Variants in PM20D2 observed in about 807,000 individuals in gnomAD.
PM20D2 encodes the protein xaa-Arg dipeptidase.
A neutral mutation model predicts 42.9 loss-of-function variants in PM20D2; 33 were observed. That is an observed-to-expected ratio of 0.77 (90% CI 0.58 to 1.03). The LOEUF is 1.03. Among genes scored for constraint, PM20D2 ranks in the 50% least tolerant of loss-of-function variants. The pLI, the probability that PM20D2 is intolerant of heterozygous loss-of-function variation, is 0.00. For missense variants in PM20D2, 548 were observed against 557.0 expected, an observed-to-expected ratio of 0.98 and a Z score of 0.16; for synonymous variants, 250 against 228.2, an observed-to-expected ratio of 1.10 and a Z score of -0.86.
the PM20D2 span, among the ~76,000 whole-genome samples, chr6:89,122,865 G>T: frequency 2.0e-5 from 3 of 152,176 alleles, no homozygotes; most frequent in East Asian, 5.8e-4. Flanking sequence ...AGAGTGATGT[G>T]GGGATTTGTA....
rs200807819 is a variant in PM20D2, at chr6:89,162,502, C to CT, written c.*248dup. On this transcript the variant is annotated 3_prime_UTR_variant, in exon 7 of 7. Coordinates refer to ENST00000275072, the MANE Select transcript of PM20D2 (RefSeq NM_001010853.3). ...GAGCTGGTATGTGATGCCATTCTTT[C>CT]TTTTTTTTTACCCCGCAACCACTCA... The CT allele has an allele frequency of 0.013, 4,292 of 336,324 alleles. 36 individuals carry two copies. Among genetic ancestry groups the CT allele is most frequent in the Non-Finnish European group, 0.014 (2,550 of 186,392 alleles). 20.8% of individuals were successfully genotyped at this position (336,324 alleles called of 1,614,324 possible). A position where few individuals can be genotyped will look rare whatever the true frequency, so the allele number is the denominator to read the frequency against.
Position 89,146,565 on chromosome 6 carries a change from A to C in PM20D2, c.421A>C (p.Arg141=), listed in dbSNP as rs1237549359. The change falls in exon 1 of 7, where the codon AGG becomes CGG. Residue 141 remains arginine, a synonymous_variant. Transcript: ENST00000275072. ...EVGAAAALGV[R]GALEGLPRPP... ...CGGGGCGGCGGCCGCGCTGGGCGTG[A>C]GGGGGGCCTTAGAGGGCCTCCCCAG... The C allele has an allele frequency of 6.7e-7, 1 of 1,491,982 alleles. No homozygotes were observed. The highest frequency in any genetic ancestry group is 1.5e-5 in the African/African-American group (1 of 68,520). The allele number at this position is 1,491,982 out of a possible 1,614,324, so 92.4% of individuals were successfully genotyped here.
chr6:89,116,788 A>AC, the PM20D2 span, among the ~76,000 whole-genome samples: 1 of 151,790 alleles, frequency 6.6e-6, no homozygotes, highest in African/African-American at 2.4e-5. Context: ...AAAAAAAAAA[A>AC]AACTAAAAAA....
chr6:89,162,026 C>A, intron 6 of PM20D2, 83 bp from the exon 7 acceptor site: 1 of 1,528,190 alleles, frequency 6.5e-7, no homozygotes, highest in Non-Finnish European at 9.0e-7. Flanking sequence ...GTTGGAGAGC[C>A]AGTTGAGATA....
At chr6:89,152,967 G>A (rs1043865834) in intron 2 of PM20D2, 76 bp from the exon 3 acceptor site, 2 of 1,230,650 alleles carry the variant, frequency 1.6e-6, no homozygotes, top group Middle Eastern at 2.7e-4. Flanking sequence ...TAGTAGTTGG[G>A]TAATTCTGAC....
chr6:89,138,065 CTTTTTTTTT>C, the PM20D2 span, among the ~76,000 whole-genome samples: 1 of 144,758 alleles, frequency 6.9e-6, no homozygotes, highest in East Asian at 2.0e-4. Context: ...TTCAAGATTT[CTTTTTTTTT>C]TTTTTAATTT....
At chr6:89,104,222 C>A in the PM20D2 span, among the ~76,000 whole-genome samples, 1 of 77,724 alleles carries the variant, frequency 1.3e-5, no homozygotes, top group Non-Finnish European at 2.7e-5. Context: ...AAACTCATCA[C>A]CTTTTTTTTT....
the PM20D2 span, chr6:89,105,124 A>C: frequency 1.2e-6 from 2 of 1,611,512 alleles, no homozygotes; most frequent in Middle Eastern, 1.7e-4. Flanking sequence ...CTCACTCTTT[A>C]AGGCTGTCTG....
the PM20D2 span, among the ~76,000 whole-genome samples, chr6:89,132,779 A>C: frequency 6.6e-6 from 1 of 150,966 alleles, no homozygotes; most frequent in South Asian, 2.1e-4. Flanking sequence ...CAGAGGTTGC[A>C]GTGAGCCGAG....
the PM20D2 span, chr6:89,107,302 A>T: frequency 2.7e-6 from 4 of 1,483,244 alleles, no homozygotes; most frequent in Non-Finnish European, 3.7e-6. Flanking sequence ...GAATAGCTGG[A>T]TTAAAATATT....
At chr6:89,148,231 G>A (rs1034598839) in intron 1 of PM20D2, among the ~76,000 whole-genome samples, 1 of 151,798 alleles carries the variant, frequency 6.6e-6, no homozygotes, top group Non-Finnish European at 1.5e-5. Flanking sequence ...CGCCCACCTC[G>A]GCCTCCCACA....
chr6:89,117,989 G>A, the PM20D2 span: 8 of 1,299,664 alleles, frequency 6.2e-6, no homozygotes, highest in Non-Finnish European at 7.3e-6. Flanking sequence ...GGCCCCCGGC[G>A]CGACCCCCAC....
the PM20D2 span, among the ~76,000 whole-genome samples, chr6:89,101,909 T>C: frequency 1.3e-5 from 2 of 151,650 alleles, no homozygotes; most frequent in Non-Finnish European, 2.9e-5. Context: ...TAAATAAAGA[T>C]GTTTTCAGAC....
At chr6:89,151,145 C>T (rs2127776420) in intron 2 of PM20D2, among the ~76,000 whole-genome samples, 1 of 115,828 alleles carries the variant, frequency 8.6e-6, no homozygotes, top group East Asian at 2.8e-4. Context: ...ACAAGTGAAA[C>T]TCCATCTCAA....
At chr6:89,110,311 T>C in the PM20D2 span, among the ~76,000 whole-genome samples, 1 of 151,940 alleles carries the variant, frequency 6.6e-6, no homozygotes, top group Non-Finnish European at 1.5e-5. Flanking sequence ...CTCCACAGAG[T>C]GGGAGCAGGC....
In PM20D2 at chr6:89,164,757, T is replaced by G. The variant is rs1444019672; in HGVS notation, c.*2494T>G. On this transcript the variant is annotated 3_prime_UTR_variant, in exon 7 of 7. Transcript: ENST00000275072. ...GTCTATGGTAGGGAATAAAAGAGTT[T>G]AAGATATTATGTAAAATTATGTGTA... 6.6e-6 allele frequency: 1 copy of G among 152,250 alleles called. No individual in the cohort carries two copies. The highest frequency in any genetic ancestry group is 1.5e-5 in the Non-Finnish European group (1 of 67,942). 9.4% of individuals were successfully genotyped at this position (152,250 alleles called of 1,614,324 possible).
rs1771331661 is a variant in PM20D2, at chr6:89,164,106, T to A, written c.*1843T>A. 1 of 152,202 alleles carries A rather than the reference T, an allele frequency of 6.6e-6. No homozygotes were observed. The highest frequency in any genetic ancestry group is 2.1e-4 in the South Asian group (1 of 4,838). 9.4% of individuals were successfully genotyped at this position (152,202 alleles called of 1,614,324 possible). ...TCGGTTTTAACAAATTCTCCACATG[T>A]GAACTACTCAAGAAATTTTCCCTTT... On this transcript the variant is annotated 3_prime_UTR_variant, in exon 7 of 7. Transcript: ENST00000275072.
the PM20D2 span, among the ~76,000 whole-genome samples, chr6:89,115,984 T>C: frequency 1.3e-5 from 2 of 152,178 alleles, no homozygotes; most frequent in Non-Finnish European, 2.9e-5. Context: ...AAGACTAAGA[T>C]TACACATACA....
chr6:89,112,296 T>G, the PM20D2 span, among the ~76,000 whole-genome samples: 1 of 152,222 alleles, frequency 6.6e-6, no homozygotes, highest in African/African-American at 2.4e-5. Flanking sequence ...ACAAAGCCTT[T>G]TAGTGTCTTC....
Sources: gnomAD v4.1 joint callset for allele counts (sites outside exome capture counted in the v4.1 genomes callset) on GRCh38, gnomAD v4.1.1 for gene constraint, MANE v1.5 for transcripts, NCBI Gene and HGNC (gene_info 2026-07-23, HGNC 2026-07-21) for gene names.